The following MB21D2 variants were observed in gnomAD, a reference collection of about 807,000 sequenced individuals.
The protein encoded by MB21D2 is Mab-21 domain containing 2.
In MB21D2, 9 loss-of-function variants were observed where a neutral mutation model predicts 33.3. The ratio of observed to expected loss-of-function variants is 0.27; its 90% CI spans 0.16 to 0.47. The LOEUF is 0.47. MB21D2 is among the 20% of genes least tolerant of loss of function. The pLI, the probability that MB21D2 is intolerant of heterozygous loss-of-function variation, is 0.99. For synonymous variants in MB21D2, 241 were observed against 236.3 expected, an observed-to-expected ratio of 1.02 and a Z score of -0.18; for missense variants, 540 against 624.6, an observed-to-expected ratio of 0.86 and a Z score of 1.44.
chr3:192,850,012 G>A (rs151035231), intron 1 of MB21D2, among the ~76,000 whole-genome samples: 324 of 151,412 alleles, frequency 2.1e-3, no homozygotes, highest in Middle Eastern at 6.9e-3. Flanking sequence ...TTTGCCTGCT[G>A]GATTCAAGCA....
intron 1 of MB21D2, among the ~76,000 whole-genome samples, chr3:192,825,286 G>C (rs976656456): frequency 6.6e-6 from 1 of 152,272 alleles, no homozygotes; most frequent in South Asian, 2.1e-4. Context: ...CTTGCTGAAT[G>C]AATGAGTAAA....
At chr3:192,819,177 G>A (rs1711991483) in intron 1 of MB21D2, among the ~76,000 whole-genome samples, 1 of 152,132 alleles carries the variant, frequency 6.6e-6, no homozygotes. Flanking sequence ...GAGAAGAAAA[G>A]AGAGATAGGA....
At chr3:192,875,956 G>A (rs983687255) in intron 1 of MB21D2, among the ~76,000 whole-genome samples, 2 of 152,138 alleles carry the variant, frequency 1.3e-5, no homozygotes, top group African/African-American at 2.4e-5. Context: ...TGCTGAAGAC[G>A]TAGGTACTTG....
At position 192,837,488 on chromosome 3, in the gene MB21D2, G is replaced by T. The variant is rs193268806; in HGVS notation, c.212-37838C>A. ...GAGAACGAGCTGCGGATCTGCAATA[G>T]TTCATCATTCCGAGGCCCCTCGGCA... On this transcript the variant is annotated intron_variant, in intron 1 of 1. Transcript: ENST00000392452. Among the ~76,000 whole-genome samples, 3 of 152,228 alleles carry T rather than the reference G, an allele frequency of 2.0e-5. No homozygotes were observed. The East Asian group carries it at 5.8e-4, about 29-fold the overall frequency.
chr3:192,804,460 CACTT>C (rs1449869052), intron 1 of MB21D2, among the ~76,000 whole-genome samples: 21 of 148,550 alleles, frequency 1.4e-4, no homozygotes, highest in Admixed American at 1.4e-3. Flanking sequence ...CACACACACA[CACTT>C]ACATATGTTG....
intron 1 of MB21D2, among the ~76,000 whole-genome samples, chr3:192,869,252 T>C (rs750103279): frequency 5.3e-5 from 6 of 113,682 alleles, no homozygotes; most frequent in African/African-American, 7.2e-5. Context: ...TGAGACTCCA[T>C]GTCAAAAAAA....
intron 1 of MB21D2, among the ~76,000 whole-genome samples, chr3:192,892,480 C>T (rs894975790): frequency 7.2e-5 from 11 of 152,176 alleles, no homozygotes; most frequent in Non-Finnish European, 1.0e-4. Context: ...GATAGAGTTT[C>T]GCTGTTGATG....
intron 1 of MB21D2, among the ~76,000 whole-genome samples, chr3:192,828,577 A>G (rs1712228040): frequency 1.2e-5 from 1 of 82,306 alleles, no homozygotes; most frequent in African/African-American, 4.1e-5. Flanking sequence ...ATATACAATA[A>G]AACTCACCCC....
chr3:192,806,757 G>A (rs1047112791), intron 1 of MB21D2, among the ~76,000 whole-genome samples: 1 of 152,166 alleles, frequency 6.6e-6, no homozygotes, highest in Non-Finnish European at 1.5e-5. Context: ...TCATCTAAAA[G>A]ATGGGAAGAG....
intron 1 of MB21D2, among the ~76,000 whole-genome samples, chr3:192,803,802 G>A (rs1402045145): frequency 6.6e-6 from 1 of 152,176 alleles, no homozygotes; most frequent in Admixed American, 6.5e-5. Flanking sequence ...ATTACTGGAG[G>A]ATAAGATCTA....
chr3:192,908,271 G>A (rs1489333907), intron 1 of MB21D2, among the ~76,000 whole-genome samples: 3 of 152,224 alleles, frequency 2.0e-5, no homozygotes, highest in South Asian at 2.1e-4. Flanking sequence ...CACCTACTAT[G>A]TGCATGACCC....
chr3:192,840,415 C>CTTTTTTTTTTTTTTTTTTT (rs71177380), intron 1 of MB21D2, among the ~76,000 whole-genome samples: 12 of 88,288 alleles, frequency 1.4e-4, no homozygotes, highest in Admixed American at 1.7e-4. Context: ...TCTCTTTTTT[C>CTTTTTTTTTTTTTTTTTTT]TTTTTTTTTT....
At chr3:192,840,985 G>A (rs1053865014) in intron 1 of MB21D2, among the ~76,000 whole-genome samples, 8 of 152,124 alleles carry the variant, frequency 5.3e-5, no homozygotes, top group African/African-American at 1.9e-4. Context: ...ACAGAACATG[G>A]GTTTTAGATT....
chr3:192,858,650 T>C (rs1490912218), intron 1 of MB21D2, among the ~76,000 whole-genome samples: 1 of 152,168 alleles, frequency 6.6e-6, no homozygotes, highest in Non-Finnish European at 1.5e-5. Context: ...AATGGACAGA[T>C]AGACAGATGG....
At chr3:192,852,307 G>A (rs1377805506) in intron 1 of MB21D2, among the ~76,000 whole-genome samples, 1 of 152,206 alleles carries the variant, frequency 6.6e-6, no homozygotes, top group African/African-American at 2.4e-5. Flanking sequence ...TAATAAACTG[G>A]AAAGACAGGT....
Position 192,820,191 on chromosome 3 carries a change from C to T in MB21D2, c.212-20541G>A, listed in dbSNP as rs148503670. Among the ~76,000 whole-genome samples, 126 of 152,200 alleles carry T rather than the reference C, an allele frequency of 8.3e-4. 1 individual carries two copies. The East Asian group carries it at 0.024, about 29-fold the overall frequency. On this transcript the variant is annotated intron_variant, in intron 1 of 1. Coordinates refer to ENST00000392452, the MANE Select transcript of MB21D2 (RefSeq NM_178496.4). ...GTCAGAGCTAAGATGTATAAAAGTA[C>T]ACACCCCCCAGAAACACACAGAGGT...
At chr3:192,834,695 T>A (rs1225655254) in intron 1 of MB21D2, among the ~76,000 whole-genome samples, 1 of 152,026 alleles carries the variant, frequency 6.6e-6, no homozygotes, top group Non-Finnish European at 1.5e-5. Flanking sequence ...CAAGACAAAC[T>A]GGGAACACAA....
chr3:192,841,072 CA>C (rs1223236902), intron 1 of MB21D2, among the ~76,000 whole-genome samples: 1 of 152,180 alleles, frequency 6.6e-6, no homozygotes, highest in Non-Finnish European at 1.5e-5. Context: ...TTCCAGGCAC[CA>C]GTTACCTCTA....
chr3:192,847,384 G>A (rs1712699183), intron 1 of MB21D2, among the ~76,000 whole-genome samples: 1 of 152,108 alleles, frequency 6.6e-6, no homozygotes, highest in South Asian at 2.1e-4. Context: ...GAAAGAGAAT[G>A]GGCTCTTCAG....
Sources: allele counts gnomAD v4.1 joint callset (sites outside exome capture counted in the v4.1 genomes callset), GRCh38; gene constraint gnomAD v4.1.1; transcripts MANE v1.5; gene names NCBI Gene and HGNC (gene_info 2026-07-23, HGNC 2026-07-21).